Variants in FHIP1A observed in about 807,000 individuals in gnomAD.
FHIP1A encodes FHF complex subunit HOOK interacting protein 1A.
A neutral mutation model predicts 88.6 loss-of-function variants in FHIP1A; 61 were observed. The ratio of observed to expected loss-of-function variants is 0.69; its 90% confidence interval spans 0.56 to 0.85. The LOEUF (loss-of-function observed/expected upper bound fraction) is 0.85. Ranked by LOEUF, FHIP1A falls within the 40% of genes least tolerant of loss-of-function variation. FHIP1A has a pLI of 0.00. For synonymous variants in FHIP1A, 478 were observed against 496.0 expected, an observed-to-expected ratio of 0.96 and a Z score of 0.48; for missense variants, 1,154 against 1,273.5, an observed-to-expected ratio of 0.91 and a Z score of 1.43.
Position 151,662,572 on chromosome 4 carries a change from C to A in FHIP1A, c.2941C>A (p.Pro981Thr). ...LLDGPPRVLQ[P>T]FLTHRTKVAE... ...GGATGGACCTCCAAGAGTGCTTCAGCCCTTCCTGACCCACAGAACCAAGGT... is the reference window on the plus strand; with the variant it reads ...GGATGGACCTCCAAGAGTGCTTCAGACCTTCCTGACCCACAGAACCAAGGT... The change falls in exon 14 of 14, where the codon CCC (proline) becomes ACC (threonine). Residue 981 changes from proline (P) to threonine (T), a missense_variant. Physicochemically the swap from Pro to Thr is conservative, Grantham distance 38 (BLOSUM62 -1). Coordinates refer to ENST00000435205, the MANE Select transcript of FHIP1A (RefSeq NM_001109977.3). 2.6e-6 allele frequency: 4 copies of A among 1,551,572 alleles called. No individual in the cohort carries two copies. Among genetic ancestry groups the A allele is most frequent in the Non-Finnish European group, 2.6e-6 (3 of 1,146,938 alleles).
intron 1 of FHIP1A, among the ~76,000 whole-genome samples, chr4:151,428,982 C>A (rs1480860269): frequency 6.6e-6 from 1 of 152,190 alleles, no homozygotes; most frequent in African/African-American, 2.4e-5. Context: ...CACTATGTAT[C>A]TTTTTTTCCC....
chr4:151,445,853 T>C (rs1421329774), intron 1 of FHIP1A, among the ~76,000 whole-genome samples: 1 of 130,106 alleles, frequency 7.7e-6, no homozygotes, highest in Non-Finnish European at 1.6e-5. Flanking sequence ...TCTTAAAATA[T>C]ATATATATAT....
intron 7 of FHIP1A, among the ~76,000 whole-genome samples, chr4:151,595,535 G>A (rs1734613571): frequency 1.3e-5 from 2 of 152,240 alleles, no homozygotes; most frequent in South Asian, 4.2e-4. Flanking sequence ...TGTCTATTAG[G>A]TCTGCTTGGT....
chr4:151,577,667 G>T lies in FHIP1A; in HGVS notation c.323G>T (p.Arg108Met). The change falls in exon 5 of 14, where the codon AGG (arginine) becomes ATG (methionine). Residue 108 changes from arginine (R) to methionine (M), a missense_variant. By Grantham distance (91) the Arg-to-Met change is moderately conservative (BLOSUM62 -1). Transcript: ENST00000435205. The part of the protein sequence containing the change: ...MEKLFLWSLR[R>M]EFTDETKIEQ... ...AAACTTTTCCTTTGGAGCTTGAGAA[G>T]GGAGTTTACTGATGAGACTAAAATT... 1 of 1,551,686 alleles carries T rather than the reference G, an allele frequency of 6.4e-7. No individual in the cohort carries two copies. Among genetic ancestry groups the T allele is most frequent in the Non-Finnish European group, 8.7e-7 (1 of 1,146,982 alleles).
chr4:151,485,421 A>G (rs1730048280), intron 3 of FHIP1A, among the ~76,000 whole-genome samples: 1 of 151,178 alleles, frequency 6.6e-6, no homozygotes, highest in East Asian at 2.0e-4. Flanking sequence ...CTTTAAGTGT[A>G]TAGTGCCACA....
At chr4:151,459,181 G>GTA (rs778996652) in intron 2 of FHIP1A, among the ~76,000 whole-genome samples, 7 of 151,954 alleles carry the variant, frequency 4.6e-5, no homozygotes, top group East Asian at 1.9e-4. Context: ...TTTTTTTAAA[G>GTA]TATATATATA....
intron 7 of FHIP1A, among the ~76,000 whole-genome samples, chr4:151,624,278 G>C (rs951618956): frequency 3.3e-5 from 5 of 152,228 alleles, no homozygotes; most frequent in African/African-American, 9.6e-5. Context: ...ATTTGGGCCA[G>C]TTAAATGCAT....
intron 7 of FHIP1A, among the ~76,000 whole-genome samples, chr4:151,609,399 T>C (rs1735209547): frequency 6.6e-6 from 1 of 152,168 alleles, no homozygotes; most frequent in Non-Finnish European, 1.5e-5. Flanking sequence ...GACATTTAGA[T>C]CTATATACAA....
intron 2 of FHIP1A, among the ~76,000 whole-genome samples, chr4:151,474,724 G>A (rs1008756088): frequency 2.0e-5 from 3 of 152,162 alleles, no homozygotes; most frequent in African/African-American, 7.2e-5. Context: ...TTGGCCATTC[G>A]GCCCTGAAGC....
At chr4:151,639,474 A>G (rs560260700) in intron 9 of FHIP1A, among the ~76,000 whole-genome samples, 5 of 152,308 alleles carry the variant, frequency 3.3e-5, no homozygotes, top group Admixed American at 2.0e-4. Context: ...TGTGAGAAGC[A>G]TCTGTTTTTG....
rs1248081400 is a variant in FHIP1A, at chr4:151,656,203, A to G, written c.2552-29A>G. On this transcript the variant is annotated intron_variant, in intron 11 of 13. Transcript: ENST00000435205. This position sits in a 1 kb window ranked among gnomAD's most constrained non-coding sequence, Gnocchi z 4.2. ...GAAAGGCATCCCTGTGAGCCCAGCC[A>G]GCCCTGAAGCCTTGTGTTCTTCCTG... is the stretch of plus-strand genomic sequence containing the variant. 4 of 1,541,026 alleles carry G rather than the reference A, an allele frequency of 2.6e-6. No homozygotes were observed. The highest frequency in any genetic ancestry group is 3.9e-5 in the Admixed American group (2 of 50,870).
chr4:151,516,392 C>T (rs1731237980), intron 3 of FHIP1A, among the ~76,000 whole-genome samples: 1 of 151,900 alleles, frequency 6.6e-6, no homozygotes, highest in African/African-American at 2.4e-5. Flanking sequence ...TAGGCATGGG[C>T]AAGGACTTCA....
At chr4:151,594,992 A>AT (rs1246527990) in intron 7 of FHIP1A, among the ~76,000 whole-genome samples, 1 of 152,080 alleles carries the variant, frequency 6.6e-6, no homozygotes, top group African/African-American at 2.4e-5. Context: ...GGATTCATTG[A>AT]TTTTTTGAAG....
chr4:151,616,430 A>G (rs11932864), intron 7 of FHIP1A, among the ~76,000 whole-genome samples: 6,187 of 141,102 alleles, frequency 0.044, 368 homozygotes, highest in African/African-American at 0.13. Flanking sequence ...AGACAAATAT[A>G]TCTTTCTTTC....
chr4:151,662,684 C>A lies in FHIP1A; in HGVS notation c.3053C>A (p.Ala1018Glu). ...TTCCCAGAGTTCCTGAAGGAGCTGG[C>A]GGCCTTGGCCCAGGAACACTCCATT... is the stretch of plus-strand genomic sequence containing the variant. The part of the protein sequence containing the change: ...ALFPEFLKEL[A>E]ALAQEHSILC... Residue 1018 changes from alanine to glutamate, a missense_variant, in exon 14 of 14, where the codon GCG (alanine) becomes GAG (glutamate). Coordinates refer to ENST00000435205, the MANE Select transcript of FHIP1A (RefSeq NM_001109977.3). 6.4e-7 allele frequency: 1 copy of A among 1,550,774 alleles called. No homozygotes were observed. Among genetic ancestry groups the A allele is most frequent in the Non-Finnish European group, 8.7e-7 (1 of 1,146,756 alleles).
In FHIP1A at chr4:151,471,835, T is replaced by A. The variant is rs537998510; in HGVS notation, c.-247-10689T>A. Among the ~76,000 whole-genome samples, 3 of 152,304 alleles carry A rather than the reference T, an allele frequency of 2.0e-5. No individual in the cohort carries two copies. The East Asian group carries it at 5.8e-4, about 29-fold the overall frequency. On this transcript the variant is annotated intron_variant, in intron 2 of 13. Coordinates refer to ENST00000435205, the MANE Select transcript of FHIP1A (RefSeq NM_001109977.3). ...TCTTATGCCTTTGCATTATCATAGC[T>A]TAGCTCCTACTTATGATTGAGAACA...
chr4:151,646,276 G>A (rs1736787385), intron 9 of FHIP1A, among the ~76,000 whole-genome samples: 1 of 152,230 alleles, frequency 6.6e-6, no homozygotes, highest in South Asian at 2.1e-4. Context: ...AAAGGTGACA[G>A]TGGGCACAAA....
chr4:151,523,150 A>G (rs777451735), intron 3 of FHIP1A, among the ~76,000 whole-genome samples: 1 of 152,208 alleles, frequency 6.6e-6, no homozygotes, highest in Non-Finnish European at 1.5e-5. Context: ...ATGTGACATA[A>G]TTGCCTGTGG....
intron 3 of FHIP1A, among the ~76,000 whole-genome samples, chr4:151,541,358 C>T (rs1428066457): frequency 6.6e-6 from 1 of 152,170 alleles, no homozygotes; most frequent in South Asian, 2.1e-4. Flanking sequence ...GTAAAATTGC[C>T]TGGCCTGAGC....
Sources: allele counts gnomAD v4.1 joint callset (sites outside exome capture counted in the v4.1 genomes callset), GRCh38; gene constraint gnomAD v4.1.1; non-coding constraint Gnocchi (gnomAD v3.1); transcripts MANE v1.5; gene names NCBI Gene and HGNC (gene_info 2026-07-23, HGNC 2026-07-21).